The following DHX35 variants were observed in gnomAD, a reference collection of about 807,000 sequenced individuals.
DHX35 encodes DEAH-box helicase 35.
DHX35 carries 84 observed loss-of-function variants against 99.6 expected under a neutral mutation model. The observed-to-expected ratio is 0.84, with a 90% confidence interval of 0.71 to 1.01. The LOEUF is 1.01. Ranked by LOEUF, DHX35 falls within the 50% of genes least tolerant of loss-of-function variation. The pLI is 0.00. For missense variants in DHX35, 852 were observed against 888.5 expected (o/e 0.96, Z 0.52); for synonymous variants, 331 against 316.2 (o/e 1.05, Z -0.50).
chr20:39,032,182 G>A (rs746795486), intron 20 of DHX35, among the ~76,000 whole-genome samples: 19 of 152,158 alleles, frequency 1.2e-4, no homozygotes, highest in Non-Finnish European at 2.4e-4. Flanking sequence ...TTTTGAGACA[G>A]TGTCTCACTC....
intron 1 of DHX35, among the ~76,000 whole-genome samples, chr20:38,967,415 C>T (rs1159751132): frequency 6.6e-6 from 1 of 152,158 alleles, no homozygotes; most frequent in Non-Finnish European, 1.5e-5. Context: ...GATTTTTATT[C>T]ATTTACAAGG....
chr20:38,977,812 TTGG>T lies in DHX35; in HGVS notation c.267+5166_267+5168del, dbSNP rs1223327110. 9 of 537,270 alleles carry T rather than the reference TTGG, an allele frequency of 1.7e-5. No individual in the cohort carries two copies. In the East Asian group the frequency reaches 3.3e-4, roughly 20 times the overall value. 33.3% of individuals were successfully genotyped at this position (537,270 alleles called of 1,614,324 possible). ...GATTCTTGTCCTTTTGATCTTGGTG[TTGG>T]TGGTATTGAGTCTTTTCCATTCTGA... On this transcript the variant is annotated intron_variant, in intron 3 of 21. Coordinates refer to ENST00000252011, the MANE Select transcript of DHX35 (RefSeq NM_021931.4).
intron 2 of DHX35, among the ~76,000 whole-genome samples, chr20:38,969,636 A>G (rs562571707): frequency 6.6e-6 from 1 of 152,352 alleles, no homozygotes; most frequent in Non-Finnish European, 1.5e-5. Context: ...TGCTGAAGAC[A>G]TCAGTTAATA....
chr20:39,038,085 T>C (rs1221626055), intron 21 of DHX35, among the ~76,000 whole-genome samples: 1 of 152,222 alleles, frequency 6.6e-6, no homozygotes, highest in African/African-American at 2.4e-5. Flanking sequence ...AAAGAGAGGA[T>C]AATTTTTCTT....
At chr20:39,005,068 G>T (rs999669015) in intron 11 of DHX35, among the ~76,000 whole-genome samples, 2 of 152,020 alleles carry the variant, frequency 1.3e-5, no homozygotes, top group African/African-American at 4.8e-5. Flanking sequence ...CAGATAGGTG[G>T]TTTTATAGCA....
intron 4 of DHX35, among the ~76,000 whole-genome samples, chr20:38,984,885 TATC>T (rs2086226852): frequency 6.6e-6 from 1 of 151,940 alleles, no homozygotes; most frequent in Non-Finnish European, 1.5e-5. Flanking sequence ...GGCTGAATTT[TATC>T]ATTCAGCTTT....
intron 9 of DHX35, 53 bp from the exon 10 acceptor site, chr20:39,002,719 C>A: frequency 6.6e-7 from 1 of 1,511,634 alleles, no homozygotes; most frequent in South Asian, 1.1e-5. Flanking sequence ...GGTAATTGAT[C>A]TGTAATTAAT....
chr20:38,997,914 TG>T (rs2145887117), intron 8 of DHX35, among the ~76,000 whole-genome samples: 1 of 152,298 alleles, frequency 6.6e-6, no homozygotes, highest in South Asian at 2.1e-4. Flanking sequence ...CCCCAGCGGC[TG>T]GGTCTGTGGG....
At chr20:38,994,721 A>T (rs1448303642) in intron 7 of DHX35, 100 bp from the exon 8 acceptor site, 1 of 1,021,294 alleles carries the variant, frequency 9.8e-7, no homozygotes, top group Non-Finnish European at 1.4e-6. Flanking sequence ...AAAAAAGAAA[A>T]AAAAAGACAC....
intron 2 of DHX35, among the ~76,000 whole-genome samples, chr20:38,970,257 CTG>C (rs745889209): frequency 9.2e-5 from 14 of 152,180 alleles, no homozygotes; most frequent in Non-Finnish European, 1.6e-4. Context: ...TTTGACTAGA[CTG>C]TGCTGATAAT....
chr20:38,983,756 C>T lies in DHX35; in HGVS notation c.325C>T (p.Arg109Ter), dbSNP rs536327712. 1.1e-5 allele frequency: 17 copies of T among 1,613,896 alleles called. No individual in the cohort carries two copies. The highest frequency in any genetic ancestry group is 1.3e-5 in the African/African-American group (1 of 75,010). Residue 109 changes from arginine to a stop codon, truncating the protein, a stop_gained, in exon 4 of 22, where the codon CGA becomes TGA. Transcript: ENST00000252011. LOFTEE classifies it high-confidence loss of function. ...EGRVVGVTQP[R>*]RVAAVTVAGR... ...AAGAGTGGTAGGAGTGACCCAGCCT[C>T]GAAGAGTGGCTGCTGTTACAGTGAG...
intron 7 of DHX35, among the ~76,000 whole-genome samples, chr20:38,994,372 G>T (rs2086391260): frequency 6.6e-6 from 1 of 151,272 alleles, no homozygotes; most frequent in Non-Finnish European, 1.5e-5. Flanking sequence ...GTTTCTTTGA[G>T]TAACTGTTAA....
intron 13 of DHX35, among the ~76,000 whole-genome samples, chr20:39,012,345 C>G (rs2086716373): frequency 6.6e-6 from 1 of 152,114 alleles, no homozygotes; most frequent in Non-Finnish European, 1.5e-5. Flanking sequence ...ACAGAAATGA[C>G]AGATCAGTAT....
intron 15 of DHX35, among the ~76,000 whole-genome samples, chr20:39,020,441 G>C (rs2086855224): frequency 1.3e-5 from 2 of 152,100 alleles, no homozygotes; most frequent in African/African-American, 4.8e-5. Flanking sequence ...AAAAGATCTG[G>C]AAGTCTTCTC....
intron 3 of DHX35, chr20:38,978,404 T>C: frequency 1.5e-6 from 1 of 673,594 alleles, no homozygotes; most frequent in South Asian, 1.5e-5. Flanking sequence ...CTCATGTCCG[T>C]GTCCATCACA....
Position 39,006,293 on chromosome 20 carries a change from G to C in DHX35, c.1159G>C (p.Ala387Pro). 6.2e-7 allele frequency: 1 copy of C among 1,614,162 alleles called. No individual in the cohort carries two copies. The highest frequency in any genetic ancestry group is 8.5e-7 in the Non-Finnish European group (1 of 1,180,032). Reference sequence around the variant, plus strand: ...GGTGGTGCCAGTCTCCCAGGCATCAGCTAATCAGCGAGCAGGACGTGGTGG... The same window carrying C: ...GGTGGTGCCAGTCTCCCAGGCATCACCTAATCAGCGAGCAGGACGTGGTGG... ...LVVVPVSQASANQRAGRGGRS... is the reference protein window; with the variant it reads ...LVVVPVSQASPNQRAGRGGRS... Residue 387 changes from alanine (A) to proline (P), a missense_variant, in exon 12 of 22, where the codon GCT becomes CCT. Physicochemically the swap from Ala to Pro is conservative, Grantham distance 27. Transcript: ENST00000252011.
chr20:38,971,214 C>T (rs2085991080), intron 2 of DHX35, among the ~76,000 whole-genome samples: 1 of 151,936 alleles, frequency 6.6e-6, no homozygotes, highest in Non-Finnish European at 1.5e-5. Context: ...ATTAGCCGGG[C>T]GTGGTGGCAC....
chr20:39,014,987 A>G, intron 14 of DHX35, 53 bp downstream of exon 14: 5 of 1,600,530 alleles, frequency 3.1e-6, no homozygotes, highest in South Asian at 2.2e-5. Flanking sequence ...CTTTTGTGAT[A>G]TTAGTGAGGT....
In DHX35 at chr20:39,028,486, A is replaced by C; in HGVS notation, c.1870A>C (p.Thr624Pro). 8 of 1,614,124 alleles carry C rather than the reference A, an allele frequency of 5.0e-6. No individual in the cohort carries two copies. Among genetic ancestry groups the C allele is most frequent in the Non-Finnish European group, 5.9e-6 (7 of 1,180,014 alleles). ...FFANAARFHSTGAYRTIRDDH... is the reference protein window; with the variant it reads ...FFANAARFHSPGAYRTIRDDH... ...CGCCAATGCAGCGAGGTTTCATTCT[A>C]CTGGAGCTTATAGGTAACATGATAC... Residue 624 changes from threonine (T) to proline (P), a missense_variant, in exon 19 of 22, where the codon ACT (threonine) becomes CCT (proline). Physicochemically the swap from Thr to Pro is conservative, Grantham distance 38. Transcript: ENST00000252011.
Sources: allele counts gnomAD v4.1 joint callset (sites outside exome capture counted in the v4.1 genomes callset), GRCh38; gene constraint gnomAD v4.1.1; transcripts MANE v1.5; gene names NCBI Gene and HGNC (gene_info 2026-07-23, HGNC 2026-07-21).